The following SMS variants were observed in gnomAD, a reference collection of about 807,000 sequenced individuals.
The protein encoded by SMS is spermidine aminopropyltransferase.
A neutral mutation model predicts 33.0 loss-of-function variants in SMS; 3 were observed. The observed-to-expected ratio is 0.09, with a 90% CI of 0.04 to 0.23. SMS has a LOEUF of 0.23. Ranked by LOEUF, SMS falls within the 10% of genes least tolerant of loss-of-function variation. SMS has a pLI of 1.00. For missense variants in SMS, 117 were observed against 288.6 expected, an observed-to-expected ratio of 0.41 and a Z score of 4.31; for synonymous variants, 103 against 112.2, an observed-to-expected ratio of 0.92 and a Z score of 0.52.
intron 1 of SMS, among the ~76,000 whole-genome samples, chrX:21,952,578 T>C (rs1347529560): frequency 9.0e-6 from 1 of 110,882 alleles, no homozygotes; most frequent in Non-Finnish European, 1.9e-5. Flanking sequence ...TCCATAGATT[T>C]CTTTTTTGGA....
chrX:21,959,445 G>A (rs1923187861), intron 1 of SMS, among the ~76,000 whole-genome samples: 1 of 111,734 alleles, frequency 8.9e-6, no homozygotes. Flanking sequence ...TGGGTGAAAA[G>A]GAGACTTGAG....
chrX:21,970,064 G>A (rs767228472), intron 2 of SMS, among the ~76,000 whole-genome samples: 7 of 112,858 alleles, frequency 6.2e-5, no homozygotes, highest in Non-Finnish European at 1.3e-4. Flanking sequence ...CACCTGCCTC[G>A]GCCTCCCAAA....
intron 1 of SMS, among the ~76,000 whole-genome samples, chrX:21,942,151 C>T (rs1270120650): frequency 9.1e-6 from 1 of 110,456 alleles, no homozygotes; most frequent in Non-Finnish European, 1.9e-5. Context: ...TCGCTCATAC[C>T]TTGCTTTTCC....
At position 21,993,366 on chromosome X, in the gene SMS, G is replaced by T. The variant is rs1028548230; in HGVS notation, c.1061+654G>T. 5.3e-5 allele frequency among the ~76,000 whole-genome samples: 6 copies of T among 112,846 alleles called. No homozygotes were observed. In the East Asian group the frequency reaches 1.7e-3, roughly 31 times the overall value. On this transcript the variant is annotated intron_variant, in intron 10 of 10. Transcript: ENST00000404933. ...AGTTCCGCTTAGTAAAGTTAGTCTA[G>T]AGAAGTAAAACACAGAAAGAAAAAA...
chrX:21,973,282 G>A (rs755384005), intron 4 of SMS, among the ~76,000 whole-genome samples: 12 of 112,220 alleles, frequency 1.1e-4, no homozygotes, highest in African/African-American at 3.9e-4. Flanking sequence ...ACTAAAAATA[G>A]AAAAAGTAGC....
chrX:21,953,309 T>C (rs1366776185), intron 1 of SMS, among the ~76,000 whole-genome samples: 3 of 102,721 alleles, frequency 2.9e-5, no homozygotes, highest in African/African-American at 1.1e-4. Flanking sequence ...GGGGGAGATC[T>C]GTGCAGGGGG....
intron 9 of SMS, among the ~76,000 whole-genome samples, chrX:21,991,912 C>G (rs890807063): frequency 1.8e-5 from 2 of 111,708 alleles, no homozygotes; most frequent in African/African-American, 6.5e-5. Flanking sequence ...TGTTCAGAAT[C>G]AAAAGCTTTT....
chrX:21,990,595 G>A (rs1428050462), intron 9 of SMS, among the ~76,000 whole-genome samples: 3 of 112,681 alleles, frequency 2.7e-5, no homozygotes, highest in Non-Finnish European at 5.6e-5. Flanking sequence ...TGTGGTGTGT[G>A]TTTTCTTCTT....
chrX:21,979,368 G>C (rs369592097), intron 7 of SMS, among the ~76,000 whole-genome samples: 2 of 98,253 alleles, frequency 2.0e-5, no homozygotes, highest in East Asian at 3.4e-4. Flanking sequence ...CCCTACCCCC[G>C]ATCGGCCCCG....
intron 1 of SMS, among the ~76,000 whole-genome samples, chrX:21,965,412 G>A (rs758310398): frequency 9.1e-6 from 1 of 110,273 alleles, no homozygotes; most frequent in South Asian, 3.8e-4. Context: ...TGTGGCAGGT[G>A]GATTGCTTGA....
chrX:21,967,937 T>G (rs1316938356), intron 2 of SMS, among the ~76,000 whole-genome samples: 1 of 112,500 alleles, frequency 8.9e-6, no homozygotes, highest in Non-Finnish European at 1.9e-5. Context: ...CATAGGAAGC[T>G]GCTTATCTTA....
intron 1 of SMS, among the ~76,000 whole-genome samples, chrX:21,965,680 G>A (rs1358056157): frequency 5.6e-5 from 6 of 107,852 alleles, no homozygotes; most frequent in Admixed American, 3.0e-4. Context: ...CCTGGAAGGC[G>A]GAGCTTGCAG....
At position 21,991,317 on chromosome X, in the gene SMS, A is replaced by G. The variant is rs187401261; in HGVS notation, c.946-1280A>G. The stretch of plus-strand genomic sequence containing the variant: ...CTCAGCCTCCCGAGTAGCTGGGGTT[A>G]CAGGCGCATGCCACCACGCCTGGCT... On this transcript the variant is annotated intron_variant, in intron 9 of 10. Coordinates refer to ENST00000404933, the MANE Select transcript of SMS (RefSeq NM_004595.5). Among the ~76,000 whole-genome samples, 311 of 110,950 alleles carry G rather than the reference A, an allele frequency of 2.8e-3. 1 individual carries two copies. The highest frequency in any genetic ancestry group is 9.7e-3 in the African/African-American group (295 of 30,474).
chrX:21,975,781 C>G (rs983516737), intron 4 of SMS, among the ~76,000 whole-genome samples: 2 of 110,566 alleles, frequency 1.8e-5, no homozygotes, highest in Non-Finnish European at 1.9e-5. Context: ...TCTCGGTGTT[C>G]TTTATAGATG....
At chrX:21,944,522 CAAAAAAAA>C (rs777680386) in intron 1 of SMS, among the ~76,000 whole-genome samples, 1,346 of 34,709 alleles carry the variant, frequency 0.039, 29 homozygotes, top group Admixed American at 0.12. Flanking sequence ...CCTGTCTCTA[CAAAAAAAA>C]AAAAAAAAAA....
chrX:21,955,427 T>C lies in SMS; in HGVS notation c.50-11769T>C, dbSNP rs745852002. On this transcript the variant is annotated intron_variant, in intron 1 of 10. Transcript: ENST00000404933. The stretch of plus-strand genomic sequence containing the variant: ...GAGGGGGTGAATGTAGGTTGGTGGC[T>C]GGGGCCGTCTCCACACGTCACATGC... Among the ~76,000 whole-genome samples the C allele has an allele frequency of 2.5e-4, 28 of 112,220 alleles. No individual in the cohort carries two copies. The East Asian group carries it at 7.3e-3, about 29-fold the overall frequency.
At chrX:21,985,101 A>G (rs1365146654) in intron 8 of SMS, 43 bp from the exon 9 acceptor site, 1 of 858,492 alleles carries the variant, frequency 1.2e-6, no homozygotes, top group East Asian at 3.1e-5. Flanking sequence ...TTGTGGATAC[A>G]TACAAACCCA....
chrX:21,982,072 A>G (rs1003685301), intron 7 of SMS, among the ~76,000 whole-genome samples: 5 of 110,464 alleles, frequency 4.5e-5, no homozygotes, highest in African/African-American at 1.6e-4. Flanking sequence ...GGTGGCTCAC[A>G]CCTGTAATCC....
intron 2 of SMS, among the ~76,000 whole-genome samples, chrX:21,968,182 G>A (rs1208337319): frequency 8.9e-6 from 1 of 112,741 alleles, no homozygotes; most frequent in Non-Finnish European, 1.9e-5. Flanking sequence ...CAGCAGCAGT[G>A]CTGCAGGGCC....
Sources: allele counts gnomAD v4.1 joint callset (sites outside exome capture counted in the v4.1 genomes callset), GRCh38; gene constraint gnomAD v4.1.1; transcripts MANE v1.5; gene names NCBI Gene and HGNC (gene_info 2026-07-23, HGNC 2026-07-21).